Variants in MDGA2 observed in about 807,000 individuals in gnomAD.
The protein encoded by MDGA2 is MAM domain-containing glycosylphosphatidylinositol anchor protein 2.
Under a neutral mutation model 117.8 loss-of-function variants are expected in MDGA2, and 40 were observed. The ratio of observed to expected loss-of-function variants is 0.34; its 90% confidence interval spans 0.26 to 0.44. The LOEUF is 0.44. MDGA2 is among the 20% of genes least tolerant of loss of function. MDGA2 has a pLI of 1.00. For missense variants in MDGA2, 1,123 were observed against 1,250.6 expected, an observed-to-expected ratio of 0.90 and a Z score of 1.54; for synonymous variants, 452 against 439.0, an observed-to-expected ratio of 1.03 and a Z score of -0.37.
intron 1 of MDGA2, among the ~76,000 whole-genome samples, chr14:47,469,745 G>A (rs1228372308): frequency 6.6e-6 from 1 of 152,110 alleles, no homozygotes; most frequent in East Asian, 1.9e-4. Context: ...TTCCACAATG[G>A]TTGAACTAGT....
chr14:47,310,117 T>G (rs1186716287), intron 1 of MDGA2, among the ~76,000 whole-genome samples: 1 of 152,178 alleles, frequency 6.6e-6, no homozygotes, highest in Non-Finnish European at 1.5e-5. Context: ...TCATGAAGAT[T>G]TACACATTGG....
At chr14:47,443,532 T>C (rs1367289305) in intron 1 of MDGA2, among the ~76,000 whole-genome samples, 1 of 152,174 alleles carries the variant, frequency 6.6e-6, no homozygotes, top group Non-Finnish European at 1.5e-5. Flanking sequence ...TTTGTTTCCG[T>C]ATATTTACTA....
At chr14:47,281,509 C>T (rs954519733) in intron 2 of MDGA2, among the ~76,000 whole-genome samples, 1 of 152,060 alleles carries the variant, frequency 6.6e-6, no homozygotes, top group Admixed American at 6.5e-5. Flanking sequence ...ACTGTTAGTG[C>T]TTAGTGCTTA....
At chr14:47,206,401 G>C (rs970818991) in intron 3 of MDGA2, among the ~76,000 whole-genome samples, 1 of 151,662 alleles carries the variant, frequency 6.6e-6, no homozygotes, top group African/African-American at 2.4e-5. Flanking sequence ...GATTAGCCTG[G>C]TTAACAGAGT....
At chr14:47,072,365 T>C (rs537692805) in intron 6 of MDGA2, among the ~76,000 whole-genome samples, 2 of 152,332 alleles carry the variant, frequency 1.3e-5, no homozygotes, top group South Asian at 4.1e-4. Context: ...TTGCGTTCAA[T>C]TGTTTGCATT....
intron 1 of MDGA2, among the ~76,000 whole-genome samples, chr14:47,496,948 T>C (rs1036160678): frequency 2.0e-5 from 3 of 151,942 alleles, no homozygotes; most frequent in Non-Finnish European, 4.4e-5. Flanking sequence ...TAGATTCTCA[T>C]AAGGAGCAGG....
intron 1 of MDGA2, among the ~76,000 whole-genome samples, chr14:47,450,045 C>CTA (rs1054606680): frequency 2.8e-4 from 43 of 151,548 alleles, no homozygotes; most frequent in African/African-American, 8.7e-4. Context: ...ACGATGTTTT[C>CTA]TATATATATA....
intron 6 of MDGA2, among the ~76,000 whole-genome samples, chr14:47,075,570 A>G (rs1042871058): frequency 6.6e-6 from 1 of 152,164 alleles, no homozygotes; most frequent in African/African-American, 2.4e-5. Context: ...AAATTTCCAT[A>G]TTTTAATAAC....
chr14:46,921,806 A>T (rs913945641), intron 9 of MDGA2, among the ~76,000 whole-genome samples: 2 of 152,208 alleles, frequency 1.3e-5, no homozygotes, highest in East Asian at 3.9e-4. Context: ...TTAAAAATAC[A>T]CATCCAATAC....
In MDGA2 at chr14:47,055,381, A is replaced by G. The variant is rs538074491; in HGVS notation, c.1525+5868T>C. Among the ~76,000 whole-genome samples, 14 of 152,134 alleles carry G rather than the reference A, an allele frequency of 9.2e-5. No individual in the cohort carries two copies. In the South Asian group the frequency reaches 2.7e-3, roughly 29 times the overall value. On this transcript the variant is annotated intron_variant, in intron 7 of 16. Coordinates refer to ENST00000399232, the MANE Select transcript of MDGA2 (RefSeq NM_001113498.3). ...GAGCTAATAAGATCTAATGAGATTC[A>G]TTTCCTCCTAAGATCTAGTGCCTTA...
chr14:47,670,876 TAAGG>T (rs1205811676), intron 1 of MDGA2, among the ~76,000 whole-genome samples: 1 of 152,094 alleles, frequency 6.6e-6, no homozygotes, highest in African/African-American at 2.4e-5. Flanking sequence ...ATCTATAGCT[TAAGG>T]AAGTAAAATT....
intron 9 of MDGA2, among the ~76,000 whole-genome samples, chr14:46,929,140 T>C (rs1884439791): frequency 6.6e-6 from 1 of 152,184 alleles, no homozygotes; most frequent in Non-Finnish European, 1.5e-5. Flanking sequence ...GTTCAGAATA[T>C]GCTAAGTTTA....
chr14:47,159,088 C>A (rs1365474618), intron 3 of MDGA2, among the ~76,000 whole-genome samples: 1 of 152,156 alleles, frequency 6.6e-6, no homozygotes, highest in East Asian at 1.9e-4. Flanking sequence ...GGCAGTGGAA[C>A]TACTCTGTGT....
chr14:47,088,486 A>G (rs780523025), intron 6 of MDGA2, among the ~76,000 whole-genome samples: 34 of 152,200 alleles, frequency 2.2e-4, no homozygotes, highest in Non-Finnish European at 5.0e-4. Context: ...ATGAAAGATT[A>G]TGTAACAAAG....
At chr14:46,937,847 A>G (rs976975506) in intron 9 of MDGA2, among the ~76,000 whole-genome samples, 2 of 152,060 alleles carry the variant, frequency 1.3e-5, no homozygotes, top group African/African-American at 4.8e-5. Flanking sequence ...TTATAAAACT[A>G]TTAGAAGAAA....
chr14:47,278,481 T>C (rs1275242123), intron 2 of MDGA2, among the ~76,000 whole-genome samples: 3 of 151,930 alleles, frequency 2.0e-5, no homozygotes, highest in African/African-American at 4.8e-5. Flanking sequence ...CACCATAAAC[T>C]GTCAGGAGCC....
At chr14:47,538,935 G>A (rs1401830493) in intron 1 of MDGA2, among the ~76,000 whole-genome samples, 1 of 152,128 alleles carries the variant, frequency 6.6e-6, no homozygotes, top group African/African-American at 2.4e-5. Flanking sequence ...GAACAACTTG[G>A]GTAAGTGGGA....
chr14:47,024,250 T>C lies in MDGA2; in HGVS notation c.1819+10761A>G, dbSNP rs551621962. ...TCAAGTGAGCACTTAAAGTGAAAAC[T>C]TTGTGTACTGAAATTACTTACATCT... On this transcript the variant is annotated intron_variant, in intron 8 of 16. Transcript: ENST00000399232. Among the ~76,000 whole-genome samples, 4 of 152,280 alleles carry C rather than the reference T, an allele frequency of 2.6e-5. No individual in the cohort carries two copies. The South Asian group carries it at 8.3e-4, about 32-fold the overall frequency.
intron 9 of MDGA2, among the ~76,000 whole-genome samples, chr14:46,946,957 C>T (rs571613742): frequency 7.9e-5 from 12 of 152,142 alleles, no homozygotes; most frequent in Admixed American, 6.6e-4. Context: ...TGACTCAAGT[C>T]TTAATACTGA....
Sources: gnomAD v4.1 joint callset for allele counts (sites outside exome capture counted in the v4.1 genomes callset) on GRCh38, gnomAD v4.1.1 for gene constraint, MANE v1.5 for transcripts, NCBI Gene and HGNC (gene_info 2026-07-23, HGNC 2026-07-21) for gene names.